Variants in UBASH3A observed in about 807,000 individuals in gnomAD.
UBASH3A encodes the protein ubiquitin associated and SH3 domain containing A.
Under a neutral mutation model 73.5 loss-of-function variants are expected in UBASH3A, and 63 were observed. That is an observed-to-expected ratio of 0.86 (90% CI 0.70 to 1.06). The LOEUF is 1.06. UBASH3A is among the 50% of genes least tolerant of loss of function. The pLI, the probability that UBASH3A is intolerant of heterozygous loss-of-function variation, is 0.00. For missense variants in UBASH3A, 860 were observed against 859.0 expected (o/e 1.00, Z -0.02); for synonymous variants, 363 against 351.1 (o/e 1.03, Z -0.38).
At chr21:42,408,444 T>A (rs1367556891) in intron 2 of UBASH3A, among the ~76,000 whole-genome samples, 1 of 152,190 alleles carries the variant, frequency 6.6e-6, no homozygotes, top group Non-Finnish European at 1.5e-5. Context: ...TATACAGTAC[T>A]TTGTGCTCTT....
At chr21:42,410,119 C>T in intron 3 of UBASH3A, 1 of 702,472 alleles carries the variant, frequency 1.4e-6, no homozygotes. Context: ...GTCTCAGGGA[C>T]CAGCCGTCTG....
chr21:42,426,964 G>A (rs908807702), intron 8 of UBASH3A, 144 bp downstream of exon 8: 4 of 1,054,638 alleles, frequency 3.8e-6, no homozygotes, highest in Middle Eastern at 2.8e-4. Context: ...CAGCAAGGGG[G>A]CCTCCCAGGT....
chr21:42,416,463 C>G lies in UBASH3A; in HGVS notation c.689C>G (p.Thr230Ser), dbSNP rs1233815603. The G allele has an allele frequency of 6.3e-7, 1 of 1,596,144 alleles. No individual in the cohort carries two copies. The highest frequency in any genetic ancestry group is 1.7e-5 in the Admixed American group (1 of 57,478). ...ACAGACTGCTCCGTGAAGCCTTGCA[C>G]CAAACAGCTGCATCTGACCTTGGCC... is the stretch of plus-strand genomic sequence containing the variant. ...LQKYCSVKPC[T>S]KQLHLTLAHK... Residue 230 changes from threonine (T) to serine (S), a missense_variant, in exon 6 of 15, where the codon ACC becomes AGC. Transcript: ENST00000319294.
At position 42,433,324 on chromosome 21, in the gene UBASH3A, A is replaced by C. The variant is rs546960433; in HGVS notation, c.1270+1122A>C. 3.9e-5 allele frequency among the ~76,000 whole-genome samples: 6 copies of C among 152,308 alleles called. 1 individual carries two copies. Among genetic ancestry groups the C allele is most frequent in the African/African-American group, 1.4e-4 (6 of 41,552 alleles). The stretch of plus-strand genomic sequence containing the variant: ...GGAGGTATAGCCACGTCCTCCCCCA[A>C]GGTGACCAACCTCAGGGAACACAAG... On this transcript the variant is annotated intron_variant, in intron 9 of 14. Coordinates refer to ENST00000319294, the MANE Select transcript of UBASH3A (RefSeq NM_018961.4).
chr21:42,409,497 G>T lies in UBASH3A; in HGVS notation c.243G>T (p.Thr81=). ...AGTATGCCCTTTTCCTCTGTCCAAC[G>T]GGGCCCCTGCTGGAAAAACTTCAAG... is the stretch of plus-strand genomic sequence containing the variant. The part of the protein sequence containing the change: ...PQEYALFLCP[T]GPLLEKLQEF... Residue 81 remains threonine, a synonymous_variant, in exon 3 of 15, where the codon ACG becomes ACT. Coordinates refer to ENST00000319294, the MANE Select transcript of UBASH3A (RefSeq NM_018961.4). 1.2e-6 allele frequency: 2 copies of T among 1,614,042 alleles called. No homozygotes were observed. The highest frequency in any genetic ancestry group is 2.2e-5 in the South Asian group (2 of 91,072).
At chr21:42,431,970 G>A in intron 8 of UBASH3A, 133 bp from the exon 9 acceptor site, 1 of 603,132 alleles carries the variant, frequency 1.7e-6, no homozygotes. Flanking sequence ...TGGGCAAAAT[G>A]GGCTGAGCTA....
In UBASH3A at chr21:42,410,393, A is replaced by G. The variant is rs887620784; in HGVS notation, c.354+785A>G. 2.5e-5 allele frequency: 14 copies of G among 555,582 alleles called. No individual in the cohort carries two copies. In the Admixed American group the frequency reaches 3.5e-4, roughly 14 times the overall value. The allele number at this position is 555,582 out of a possible 1,614,324, so 34.4% of individuals were successfully genotyped here. On this transcript the variant is annotated intron_variant, in intron 3 of 14. Coordinates refer to ENST00000319294, the MANE Select transcript of UBASH3A (RefSeq NM_018961.4). ...TGTTCCACCCATTTCAAGGAATTCC[A>G]TCAGGGCCCAAGGAACCCTCCATTC... is the stretch of plus-strand genomic sequence containing the variant.
intron 10 of UBASH3A, among the ~76,000 whole-genome samples, chr21:42,437,242 C>T (rs2053640727): frequency 6.6e-6 from 1 of 152,250 alleles, no homozygotes; most frequent in Admixed American, 6.5e-5. Flanking sequence ...AATGGGCTCA[C>T]CAACTTGTCA....
chr21:42,442,386 G>C, intron 11 of UBASH3A, 66 bp from the exon 12 acceptor site: 1 of 1,534,542 alleles, frequency 6.5e-7, no homozygotes, highest in Non-Finnish European at 8.9e-7. Context: ...TCTAAAAGGA[G>C]ACTTATTTAT....
chr21:42,419,654 C>T (rs1197792926), intron 7 of UBASH3A, among the ~76,000 whole-genome samples: 1 of 152,232 alleles, frequency 6.6e-6, no homozygotes, highest in Non-Finnish European at 1.5e-5. Flanking sequence ...CCTCTACTCG[C>T]TGCCAAGTCC....
chr21:42,434,349 C>CTG (rs5844117), intron 9 of UBASH3A, among the ~76,000 whole-genome samples: 1 of 151,310 alleles, frequency 6.6e-6, no homozygotes, highest in African/African-American at 2.4e-5. Flanking sequence ...CCAGTGAGCC[C>CTG]ACTTCCAGCC....
chr21:42,418,661 T>C (rs775258118), intron 7 of UBASH3A, 52 bp downstream of exon 7: 2 of 1,526,666 alleles, frequency 1.3e-6, no homozygotes, highest in Non-Finnish European at 1.8e-6. Flanking sequence ...AGTTACTGTG[T>C]GAGAGTGCCC....
chr21:42,410,507 G>T (rs749069909), intron 3 of UBASH3A: 30 of 400,840 alleles, frequency 7.5e-5, no homozygotes, highest in Non-Finnish European at 1.3e-4. Flanking sequence ...AGGAGAAGCA[G>T]TACCTTCCAA....
Position 42,416,570 on chromosome 21 carries a change from G to A in UBASH3A, c.796G>A (p.Ala266Thr), listed in dbSNP as rs760045145. 13 of 1,607,364 alleles carry A rather than the reference G, an allele frequency of 8.1e-6. No individual in the cohort carries two copies. Among genetic ancestry groups the A allele is most frequent in the Admixed American group, 5.1e-5 (3 of 59,044 alleles). Residue 266 changes from alanine (A) to threonine (T), a missense_variant, in exon 6 of 15, where the codon GCA becomes ACA. Transcript: ENST00000319294. ...IPLGHSCQWT[A>T]ALYSRDMRFV... ...CCTGGGCCACAGCTGCCAGTGGACC[G>A]CAGCACTCTACTCCCGAGACATGCG...
intron 8 of UBASH3A, among the ~76,000 whole-genome samples, chr21:42,427,969 C>T (rs2053468103): frequency 6.6e-6 from 1 of 152,180 alleles, no homozygotes; most frequent in Non-Finnish European, 1.5e-5. Context: ...TATTTGTAGA[C>T]AAGGCCTTTA....
intron 11 of UBASH3A, 38 bp downstream of exon 11, chr21:42,437,618 G>A (rs762763445): frequency 1.3e-6 from 2 of 1,572,976 alleles, no homozygotes; most frequent in East Asian, 2.2e-5. Context: ...CTACTGCCTT[G>A]ACCTTGGGGC....
chr21:42,422,605 A>T (rs2053357102), intron 7 of UBASH3A, among the ~76,000 whole-genome samples: 1 of 152,248 alleles, frequency 6.6e-6, no homozygotes, highest in South Asian at 2.1e-4. Context: ...AGATCATTAA[A>T]ATTTAAAAAT....
At chr21:42,404,124 C>T (rs1408153468) in intron 1 of UBASH3A, 66 bp downstream of exon 1, 2 of 955,006 alleles carry the variant, frequency 2.1e-6, no homozygotes, top group Non-Finnish European at 2.9e-6. Flanking sequence ...GCTGCGGCCC[C>T]CGGCATGGAG....
At chr21:42,435,703 A>G (rs576438026) in intron 10 of UBASH3A, among the ~76,000 whole-genome samples, 1 of 151,898 alleles carries the variant, frequency 6.6e-6, no homozygotes, top group South Asian at 2.1e-4. Context: ...GTTGTTATAG[A>G]GTTATAGAAT....
Sources: gnomAD v4.1 joint callset for allele counts (sites outside exome capture counted in the v4.1 genomes callset) on GRCh38, gnomAD v4.1.1 for gene constraint, MANE v1.5 for transcripts, NCBI Gene and HGNC (gene_info 2026-07-23, HGNC 2026-07-21) for gene names.